Variants in OSTF1 observed in about 807,000 individuals in gnomAD.
The protein encoded by OSTF1 is osteoclast-stimulating factor 1.
Under a neutral mutation model 37.2 loss-of-function variants are expected in OSTF1, and 27 were observed. That is an observed-to-expected ratio of 0.73 (90% CI 0.54 to 1.00). The LOEUF (loss-of-function observed/expected upper bound fraction) is 1.00. Ranked by LOEUF, OSTF1 falls within the 50% of genes least tolerant of loss-of-function variation. The pLI is 0.00. For missense variants in OSTF1, 232 were observed against 253.8 expected (o/e 0.91, Z 0.58); for synonymous variants, 82 against 89.2 (o/e 0.92, Z 0.46).
chr9:75,132,345 A>G (rs1261190587), intron 5 of OSTF1, among the ~76,000 whole-genome samples: 1 of 152,004 alleles, frequency 6.6e-6, no homozygotes. Flanking sequence ...TGACCAAACA[A>G]CGATCAGCCT....
chr9:75,143,246 A>G (rs1825970979), intron 9 of OSTF1, among the ~76,000 whole-genome samples: 1 of 152,168 alleles, frequency 6.6e-6, no homozygotes, highest in African/African-American at 2.4e-5. Context: ...GGATTTTTTA[A>G]TAAGTACAAA....
In OSTF1 at chr9:75,140,878, G is replaced by A. The variant is rs781448474; in HGVS notation, c.532G>A (p.Asp178Asn). Residue 178 changes from aspartate (D) to asparagine (N), a missense_variant, in exon 9 of 10, where the codon GAC becomes AAC. Physicochemically the swap from Asp to Asn is conservative, Grantham distance 23. Coordinates refer to ENST00000346234, the MANE Select transcript of OSTF1 (RefSeq NM_012383.5). The part of the protein sequence containing the change: ...LRNIEKKLAF[D>N]MATNAACASL... ...AAACATTGAGAAGAAGCTGGCCTTCGACATGGCTACCAATGCTGCCTGTGC... is the reference window on the plus strand; with the variant it reads ...AAACATTGAGAAGAAGCTGGCCTTCAACATGGCTACCAATGCTGCCTGTGC... The A allele has an allele frequency of 3.7e-6, 6 of 1,613,684 alleles. No homozygotes were observed. The highest frequency in any genetic ancestry group is 2.2e-5 in the East Asian group (1 of 44,874).
intron 9 of OSTF1, 42 bp downstream of exon 9, chr9:75,140,974 A>G (rs1347764472): frequency 1.5e-6 from 2 of 1,364,542 alleles, no homozygotes; most frequent in Non-Finnish European, 2.1e-6. Flanking sequence ...GTGCCCCATA[A>G]CTAAGATTTA....
intron 7 of OSTF1, 23 bp from the exon 8 acceptor site, chr9:75,137,515 A>G (rs780030226): frequency 8.0e-6 from 12 of 1,503,256 alleles, no homozygotes; most frequent in African/African-American, 1.4e-5. Context: ...TAAAAATGGT[A>G]CTTTCTCTTT....
chr9:75,128,385 TA>T lies in OSTF1; in HGVS notation c.132+767del, dbSNP rs1289702053. On this transcript the variant is annotated intron_variant, in intron 3 of 9. Transcript: ENST00000346234. The stretch of plus-strand genomic sequence containing the variant: ...AGACATATATATATATATATATATA[TA>T]TATATATATATATATATATATTTTG... 1.5e-3 allele frequency among the ~76,000 whole-genome samples: 131 copies of T among 90,004 alleles called. 2 individuals carry two copies. The highest frequency in any genetic ancestry group is 3.2e-3 in the African/African-American group (63 of 19,826). The allele number at this position is 90,004 out of a possible 152,430, so 59.0% of individuals were successfully genotyped here. A position where few individuals can be genotyped will look rare whatever the true frequency, so the allele number is the denominator to read the frequency against.
In OSTF1 at chr9:75,141,927, T is replaced by C. The variant is rs537907342; in HGVS notation, c.586+995T>C. ...CATGCCCAGCTAATTTTTTTTTTAATGTAGAGATAGGGGTCTTGCCATGTT... is the reference window on the plus strand; with the variant it reads ...CATGCCCAGCTAATTTTTTTTTTAACGTAGAGATAGGGGTCTTGCCATGTT... On this transcript the variant is annotated intron_variant, in intron 9 of 9. Coordinates refer to ENST00000346234, the MANE Select transcript of OSTF1 (RefSeq NM_012383.5). Among the ~76,000 whole-genome samples the C allele has an allele frequency of 9.2e-5, 14 of 152,134 alleles. No individual in the cohort carries two copies. In the South Asian group the frequency reaches 2.7e-3, roughly 29 times the overall value.
chr9:75,108,007 T>C (rs1308665126), intron 1 of OSTF1, among the ~76,000 whole-genome samples: 2 of 151,810 alleles, frequency 1.3e-5, no homozygotes, highest in Admixed American at 1.3e-4. Flanking sequence ...GAGGCCGAGG[T>C]GGGAGGATTG....
At chr9:75,090,264 G>C (rs1269170485) in intron 1 of OSTF1, among the ~76,000 whole-genome samples, 3 of 151,770 alleles carry the variant, frequency 2.0e-5, no homozygotes, top group Non-Finnish European at 4.4e-5. Context: ...ATTAAATGCT[G>C]TCTATATTGC....
At chr9:75,134,312 TTC>T in intron 6 of OSTF1, 32 bp from the exon 7 acceptor site, 1 of 1,147,574 alleles carries the variant, frequency 8.7e-7, no homozygotes, top group Non-Finnish European at 1.3e-6. Context: ...CTAATTTTCG[TTC>T]TTAAAAGGTA....
chr9:75,131,122 A>G (rs1383672745), intron 4 of OSTF1, among the ~76,000 whole-genome samples: 1 of 152,256 alleles, frequency 6.6e-6, no homozygotes, highest in African/African-American at 2.4e-5. Context: ...GGACAAACAG[A>G]TAAAACACTT....
chr9:75,121,321 A>G (rs1055260595), intron 2 of OSTF1, among the ~76,000 whole-genome samples: 2 of 152,204 alleles, frequency 1.3e-5, no homozygotes, highest in African/African-American at 2.4e-5. Flanking sequence ...TTTACTTCCA[A>G]TTCTACTCTA....
chr9:75,112,107 C>T (rs547654618), intron 1 of OSTF1, among the ~76,000 whole-genome samples: 1 of 140,280 alleles, frequency 7.1e-6, no homozygotes, highest in African/African-American at 2.7e-5. Flanking sequence ...TGAGCCACCG[C>T]ACTCAGCCTA....
Position 75,088,692 on chromosome 9 carries a change from G to T in OSTF1, c.-1G>T, listed in dbSNP as rs763475268. Reference sequence around the variant, plus strand: ...TAGGATTTGCAGCTCCAGGAAGCGAGATGTCGAAGCCGCCACCCAAACCAG... The same window carrying T: ...TAGGATTTGCAGCTCCAGGAAGCGATATGTCGAAGCCGCCACCCAAACCAG... On this transcript the variant is annotated 5_prime_UTR_variant, in exon 1 of 10. Coordinates refer to ENST00000346234, the MANE Select transcript of OSTF1 (RefSeq NM_012383.5). 1.9e-6 allele frequency: 3 copies of T among 1,608,882 alleles called. No individual in the cohort carries two copies. The South Asian group carries it at 3.3e-5, about 18-fold the overall frequency.
chr9:75,096,801 A>G (rs1402880740), intron 1 of OSTF1, among the ~76,000 whole-genome samples: 1 of 152,178 alleles, frequency 6.6e-6, no homozygotes, highest in Admixed American at 6.5e-5. Flanking sequence ...GTTGGCTGAA[A>G]GAAGCCCCTC....
intron 2 of OSTF1, among the ~76,000 whole-genome samples, chr9:75,119,434 T>C (rs145368012): frequency 1.1e-4 from 16 of 152,294 alleles, no homozygotes; most frequent in African/African-American, 3.4e-4. Context: ...TGGTGAGGGA[T>C]TGGGAATGGG....
chr9:75,105,343 G>A (rs1414096590), intron 1 of OSTF1, among the ~76,000 whole-genome samples: 4 of 152,130 alleles, frequency 2.6e-5, no homozygotes, highest in African/African-American at 4.8e-5. Context: ...TTTAGGCTTC[G>A]TAGGCCACAC....
intron 1 of OSTF1, among the ~76,000 whole-genome samples, chr9:75,108,005 G>A (rs1355079002): frequency 6.6e-6 from 1 of 152,120 alleles, no homozygotes; most frequent in Non-Finnish European, 1.5e-5. Context: ...GGGAGGCCGA[G>A]GTGGGAGGAT....
intron 7 of OSTF1, among the ~76,000 whole-genome samples, chr9:75,135,421 T>C (rs1479688761): frequency 6.6e-6 from 1 of 151,280 alleles, no homozygotes; most frequent in Admixed American, 6.6e-5. Flanking sequence ...CTCTTCCCAA[T>C]GATTATGATG....
At chr9:75,120,041 G>A (rs1825554315) in intron 2 of OSTF1, among the ~76,000 whole-genome samples, 1 of 151,862 alleles carries the variant, frequency 6.6e-6, no homozygotes, top group Admixed American at 6.6e-5. Context: ...TAACTCTAAA[G>A]TCCTTATCTC....
Sources: gnomAD v4.1 joint callset for allele counts (sites outside exome capture counted in the v4.1 genomes callset) on GRCh38, gnomAD v4.1.1 for gene constraint, MANE v1.5 for transcripts, NCBI Gene and HGNC (gene_info 2026-07-23, HGNC 2026-07-21) for gene names.